ACSL5: variants seen among roughly 807,000 people sequenced by gnomAD.
ACSL5 encodes long-chain-fatty-acid--CoA ligase 5.
In ACSL5, 50 loss-of-function variants were observed where a neutral mutation model predicts 84.9. That is an observed-to-expected ratio of 0.59 (90% CI 0.47 to 0.75). The LOEUF is 0.75. ACSL5 is among the 30% of genes least tolerant of loss of function. The probability of loss-of-function intolerance (pLI) is 0.00; values close to 1 mark genes in which losing one functional copy is unlikely to be tolerated. For synonymous variants in ACSL5, 280 were observed against 300.7 expected (o/e 0.93, Z 0.71); for missense variants, 775 against 830.4 (o/e 0.93, Z 0.82).
chr10:112,422,544 A>C, intron 17 of ACSL5, 103 bp downstream of exon 17: 5 of 1,045,216 alleles, frequency 4.8e-6, no homozygotes, highest in Non-Finnish European at 5.8e-6. Flanking sequence ...TAATCAGCTG[A>C]GGCAGCTGGA....
At chr10:112,427,100 A>T in intron 20 of ACSL5, 118 bp from the exon 21 acceptor site, 1 of 1,071,622 alleles carries the variant, frequency 9.3e-7, no homozygotes, top group Non-Finnish European at 1.4e-6. Context: ...GGCATGTGTT[A>T]CTGTTACCTT....
intron 3 of ACSL5, among the ~76,000 whole-genome samples, chr10:112,400,446 G>A (rs1329221931): frequency 8.6e-6 from 1 of 115,940 alleles, no homozygotes; most frequent in African/African-American, 3.4e-5. Context: ...GTCTCGCTCT[G>A]TTGCCCAGGC....
chr10:112,403,108 G>GTT, intron 3 of ACSL5, among the ~76,000 whole-genome samples: 1 of 152,116 alleles, frequency 6.6e-6, no homozygotes, highest in East Asian at 1.9e-4. Context: ...GTGTTTCCGT[G>GTT]TTTTTTTACA....
intron 3 of ACSL5, among the ~76,000 whole-genome samples, chr10:112,401,786 C>CTTTT (rs1554862684): frequency 2.5e-5 from 3 of 119,500 alleles, no homozygotes; most frequent in African/African-American, 7.1e-5. Context: ...TTCTTTCTTT[C>CTTTT]TCTTTCTTTC....
rs780645615 is a variant in ACSL5 at position 112,422,321 on chromosome 10, G to A, written c.1477-4G>A. On this transcript the variant is annotated splice_polypyrimidine_tract_variant and splice_region_variant and intron_variant, in intron 16 of 20. Transcript: ENST00000354655. ...TGTCACCGCCTTGTATGTCTGCTGT[G>A]CAGGTCTGCATCAAGGGTACAAACG... The A allele has an allele frequency of 1.2e-6, 2 of 1,611,896 alleles. No homozygotes were observed. Among genetic ancestry groups the A allele is most frequent in the Non-Finnish European group, 1.7e-6 (2 of 1,178,374 alleles).
Position 112,422,401 on chromosome 10 carries a change from A to T in ACSL5, c.1553A>T (p.Asp518Val). 6.2e-7 allele frequency: 1 copy of T among 1,614,186 alleles called. No homozygotes were observed. Among genetic ancestry groups the T allele is most frequent in the Non-Finnish European group, 8.5e-7 (1 of 1,180,010 alleles). ...PEKTQEALDS[D>V]GWLHTGDIGR... Reference sequence around the variant, plus strand: ...AAGACACAGGAAGCCCTGGACAGTGATGGCTGGCTTCACACAGGAGACATT... The same window carrying T: ...AAGACACAGGAAGCCCTGGACAGTGTTGGCTGGCTTCACACAGGAGACATT... Residue 518 changes from aspartate (D) to valine (V), a missense_variant, in exon 17 of 21, where the codon GAT becomes GTT. Physicochemically the swap from Asp to Val is radical, Grantham distance 152 (BLOSUM62 -3). Transcript: ENST00000354655.
chr10:112,376,436 G>GC (rs758317937), intron 1 of ACSL5: 12 of 1,614,022 alleles, frequency 7.4e-6, no homozygotes, highest in South Asian at 6.6e-5. Context: ...GAGAGATGCG[G>GC]CCCCCTCGCA....
At chr10:112,420,015 A>G (rs1191677543) in intron 14 of ACSL5, 1 of 152,242 alleles carries the variant, frequency 6.6e-6, no homozygotes, top group Non-Finnish European at 1.5e-5. Context: ...TGAACAAAAC[A>G]GGCATAGACT....
At position 112,417,049 on chromosome 10, in the gene ACSL5, G is replaced by A. The variant is rs200625226; in HGVS notation, c.1218+27G>A. On this transcript the variant is annotated intron_variant, in intron 13 of 20. Transcript: ENST00000354655. ...TAGGTTGGGCAGGTCCTGGACTGAA[G>A]CAGGCAAATACCTGGGCTGCCTTCT... 1.8e-5 allele frequency: 29 copies of A among 1,606,840 alleles called. No homozygotes were observed. The Admixed American group carries it at 4.5e-4, about 25-fold the overall frequency.
rs190784798 is a variant in ACSL5, at chr10:112,415,294, G to T, written c.1084-1594G>T. Among the ~76,000 whole-genome samples, 1,058 of 152,268 alleles carry T rather than the reference G, an allele frequency of 6.9e-3. 15 individuals carry two copies. Among genetic ancestry groups the T allele is most frequent in the African/African-American group, 0.024 (1,005 of 41,546 alleles). ...GGCTCACTGCAAGCTCCACCTCCCGGGTTCGTGCCATTCTCCTGCCTCAGC... is the reference window on the plus strand; with the variant it reads ...GGCTCACTGCAAGCTCCACCTCCCGTGTTCGTGCCATTCTCCTGCCTCAGC... On this transcript the variant is annotated intron_variant, in intron 12 of 20. Coordinates refer to ENST00000354655, the MANE Select transcript of ACSL5 (RefSeq NM_203379.2).
chr10:112,398,819 G>A, intron 2 of ACSL5, 82 bp from the exon 3 acceptor site: 2 of 1,179,972 alleles, frequency 1.7e-6, no homozygotes, highest in Admixed American at 3.5e-5. Flanking sequence ...GGCATTTATG[G>A]TCTCTTTAAT....
At chr10:112,419,910 A>G (rs1844415225) in intron 14 of ACSL5, 1 of 152,104 alleles carries the variant, frequency 6.6e-6, no homozygotes, top group African/African-American at 2.4e-5. Flanking sequence ...TCTCAGTTCC[A>G]CCTGAAATTT....
At chr10:112,399,888 AT>A (rs1440631527) in intron 3 of ACSL5, among the ~76,000 whole-genome samples, 1 of 152,224 alleles carries the variant, frequency 6.6e-6, no homozygotes, top group African/African-American at 2.4e-5. Flanking sequence ...CTTCAAGACC[AT>A]TACCAAGGTC....
intron 5 of ACSL5, among the ~76,000 whole-genome samples, chr10:112,405,972 G>T (rs1844026753): frequency 6.6e-6 from 1 of 151,936 alleles, no homozygotes; most frequent in Non-Finnish European, 1.5e-5. Context: ...AGAGAGGTTG[G>T]TCTTGCTGTC....
intron 12 of ACSL5, among the ~76,000 whole-genome samples, chr10:112,413,763 A>G (rs1844244002): frequency 6.6e-6 from 1 of 152,142 alleles, no homozygotes; most frequent in South Asian, 2.1e-4. Context: ...ATGAAAAATA[A>G]ATAAGTGCAA....
At chr10:112,394,863 G>C (rs763008479) in intron 1 of ACSL5, 55 bp from the exon 2 acceptor site, 88 of 1,594,070 alleles carry the variant, frequency 5.5e-5, no homozygotes, top group Non-Finnish European at 7.1e-5. Context: ...GAGCTATTGA[G>C]TACAAAAATA....
intron 2 of ACSL5, among the ~76,000 whole-genome samples, chr10:112,396,686 T>TCA (rs140558643): frequency 0.011 from 1,677 of 149,296 alleles, 7 homozygotes; most frequent in Middle Eastern, 0.017. Context: ...TTTTCTCCCT[T>TCA]CACACACACA....
At position 112,395,089 on chromosome 10, in the gene ACSL5, C is replaced by G. The variant is rs1242971215; in HGVS notation, c.143C>G (p.Ser48Cys). 2.5e-6 allele frequency: 4 copies of G among 1,613,430 alleles called. No individual in the cohort carries two copies. Among genetic ancestry groups the G allele is most frequent in the Non-Finnish European group, 3.4e-6 (4 of 1,179,572 alleles). Residue 48 changes from serine to cysteine, a missense_variant, in exon 2 of 21, where the codon TCT becomes TGT. Physicochemically the swap from Ser to Cys is moderately radical, Grantham distance 112. Transcript: ENST00000354655. ...CCTCTTCTTGACCTGAACAATCAGT[C>G]TGTGGGAATTGAGGTAATTTACCAG... is the stretch of plus-strand genomic sequence containing the variant. ...VLPLLDLNNQSVGIEGGARKG... is the reference protein window; with the variant it reads ...VLPLLDLNNQCVGIEGGARKG...
chr10:112,425,950 C>T (rs1473054275), intron 18 of ACSL5, among the ~76,000 whole-genome samples: 1 of 152,208 alleles, frequency 6.6e-6, no homozygotes, highest in African/African-American at 2.4e-5. Context: ...GTTTTATACA[C>T]ACTGTGCTTA....
Sources: allele counts gnomAD v4.1 joint callset (sites outside exome capture counted in the v4.1 genomes callset), GRCh38; gene constraint gnomAD v4.1.1; transcripts MANE v1.5; gene names NCBI Gene and HGNC (gene_info 2026-07-23, HGNC 2026-07-21).